CACNA2D1: variants seen among roughly 807,000 people sequenced by gnomAD.
The protein encoded by CACNA2D1 is voltage-dependent calcium channel subunit alpha-2/delta-1.
A neutral mutation model predicts 171.5 loss-of-function variants in CACNA2D1; 53 were observed. That is an observed-to-expected ratio of 0.31 (90% CI 0.25 to 0.39). The LOEUF (loss-of-function observed/expected upper bound fraction) is 0.39. Ranked by LOEUF, CACNA2D1 falls within the 10% of genes least tolerant of loss-of-function variation. The pLI, the probability that CACNA2D1 is intolerant of heterozygous loss-of-function variation, is 1.00. For missense variants in CACNA2D1, 903 were observed against 1,299.8 expected (o/e 0.69, Z 4.69); for synonymous variants, 442 against 443.1 (o/e 1.00, Z 0.03).
At chr7:82,353,776 T>C (rs963142917) in intron 1 of CACNA2D1, among the ~76,000 whole-genome samples, 2 of 152,092 alleles carry the variant, frequency 1.3e-5, no homozygotes, top group African/African-American at 4.8e-5. Context: ...GAGGAATCAG[T>C]GCTCCTTTTG....
At chr7:82,409,171 C>T (rs1827383697) in intron 1 of CACNA2D1, among the ~76,000 whole-genome samples, 1 of 152,132 alleles carries the variant, frequency 6.6e-6, no homozygotes, top group South Asian at 2.1e-4. Context: ...AATCCATAGT[C>T]TTTCCAGTGC....
At chr7:82,050,518 A>AT in intron 10 of CACNA2D1, 1 of 700,256 alleles carries the variant, frequency 1.4e-6, no homozygotes, top group East Asian at 2.7e-5. Context: ...CCCTGATCTT[A>AT]TACAGGGGCT....
intron 1 of CACNA2D1, among the ~76,000 whole-genome samples, chr7:82,436,432 C>A (rs879203216): frequency 6.6e-6 from 1 of 151,958 alleles, no homozygotes; most frequent in Admixed American, 6.6e-5. Flanking sequence ...AAACCATTTC[C>A]CAGAATTTCA....
intron 3 of CACNA2D1, among the ~76,000 whole-genome samples, chr7:82,178,240 T>C (rs1796758246): frequency 6.6e-6 from 1 of 152,076 alleles, no homozygotes; most frequent in African/African-American, 2.4e-5. Flanking sequence ...ACTTCAAAAT[T>C]AACCACAAAG....
intron 1 of CACNA2D1, among the ~76,000 whole-genome samples, chr7:82,420,144 C>T (rs1225329880): frequency 6.6e-6 from 1 of 152,122 alleles, no homozygotes; most frequent in Non-Finnish European, 1.5e-5. Flanking sequence ...TACTATGTTC[C>T]ATAGATGCAT....
rs1240239741 is a variant in CACNA2D1 at position 82,351,241 on chromosome 7, T to C, written c.96-1592A>G. 3.3e-5 allele frequency among the ~76,000 whole-genome samples: 5 copies of C among 151,754 alleles called. No homozygotes were observed. The East Asian group carries it at 9.6e-4, about 29-fold the overall frequency. ...CTTCCTTAGGGAAGAATTCCAGTAG[T>C]ATAAATATAAATTTTTTAAAATATA... On this transcript the variant is annotated intron_variant, in intron 1 of 38. Transcript: ENST00000356860.
intron 18 of CACNA2D1, 132 bp from the exon 19 acceptor site, chr7:81,997,382 C>CCTG: frequency 3.9e-6 from 2 of 506,554 alleles, no homozygotes; most frequent in Non-Finnish European, 7.1e-6. Context: ...AAGGTATCTT[C>CCTG]TTTCATATAT....
intron 3 of CACNA2D1, among the ~76,000 whole-genome samples, chr7:82,210,746 G>A (rs925600418): frequency 2.6e-5 from 4 of 152,262 alleles, no homozygotes; most frequent in Non-Finnish European, 5.9e-5. Flanking sequence ...AGTTAGGTAA[G>A]GGGAAACGTC....
intron 6 of CACNA2D1, among the ~76,000 whole-genome samples, chr7:82,106,223 A>T (rs1040673603): frequency 6.6e-6 from 1 of 152,098 alleles, no homozygotes; most frequent in Non-Finnish European, 1.5e-5. Flanking sequence ...ATCGAGTAAG[A>T]TTTTATCCAC....
intron 21 of CACNA2D1, among the ~76,000 whole-genome samples, chr7:81,986,344 A>C (rs1262750764): frequency 1.3e-5 from 2 of 152,028 alleles, no homozygotes; most frequent in East Asian, 3.8e-4. Context: ...ATTTCCAGGC[A>C]TGTGTAGATC....
At chr7:82,070,170 T>C (rs956532190) in intron 7 of CACNA2D1, among the ~76,000 whole-genome samples, 4 of 152,216 alleles carry the variant, frequency 2.6e-5, no homozygotes, top group African/African-American at 9.6e-5. Flanking sequence ...ATTTGCACCA[T>C]GGCTCCAATA....
intron 29 of CACNA2D1, among the ~76,000 whole-genome samples, chr7:81,968,428 A>T (rs1794932114): frequency 2.0e-5 from 3 of 151,384 alleles, no homozygotes. Context: ...AGCCCTACCT[A>T]ATTCACTTTA....
At position 82,332,565 on chromosome 7, in the gene CACNA2D1, A is replaced by AAC. The variant is rs1554514997; in HGVS notation, c.294+2569_294+2570insGT. Among the ~76,000 whole-genome samples, 777 of 109,262 alleles carry AAC rather than the reference A, an allele frequency of 7.1e-3. 8 individuals carry two copies. Among genetic ancestry groups the AAC allele is most frequent in the Middle Eastern group, 0.022 (4 of 180 alleles). 71.7% of individuals were successfully genotyped at this position (109,262 alleles called of 152,430 possible). A position where few individuals can be genotyped will look rare whatever the true frequency, so the allele number is the denominator to read the frequency against. On this transcript the variant is annotated intron_variant, in intron 3 of 38. Coordinates refer to ENST00000356860, the MANE Select transcript of CACNA2D1 (RefSeq NM_000722.4). Reference sequence around the variant, plus strand: ...AAGAAAGAAAGAAAGAAAGAAAGAAAGAACGAACAGAAAATTTTTGAGGGT... The same window carrying AAC: ...AAGAAAGAAAGAAAGAAAGAAAGAAAACGAACGAACAGAAAATTTTTGAGGGT...
intron 3 of CACNA2D1, among the ~76,000 whole-genome samples, chr7:82,191,525 G>A (rs1416643672): frequency 1.3e-5 from 2 of 151,606 alleles, no homozygotes; most frequent in African/African-American, 4.8e-5. Context: ...AGAACACAAA[G>A]GCAAGTTGCT....
chr7:81,994,223 G>A (rs1797825477), intron 20 of CACNA2D1, among the ~76,000 whole-genome samples: 1 of 152,072 alleles, frequency 6.6e-6, no homozygotes. Flanking sequence ...ATAAATGTCT[G>A]TATGTACTCC....
intron 3 of CACNA2D1, among the ~76,000 whole-genome samples, chr7:82,307,245 C>T (rs1813849442): frequency 6.6e-6 from 1 of 152,098 alleles, no homozygotes; most frequent in South Asian, 2.1e-4. Flanking sequence ...CAACCACTGC[C>T]TCCTGAGTTC....
chr7:82,159,214 G>A (rs968040121), intron 4 of CACNA2D1, among the ~76,000 whole-genome samples: 1 of 151,744 alleles, frequency 6.6e-6, no homozygotes, highest in Non-Finnish European at 1.5e-5. Flanking sequence ...CTAGCTAAAA[G>A]TATGAAACAA....
chr7:82,087,326 A>T (rs56922441), intron 6 of CACNA2D1, among the ~76,000 whole-genome samples: 1,915 of 152,224 alleles, frequency 0.013, 18 homozygotes, highest in Middle Eastern at 0.041. Context: ...CAAAATTACT[A>T]CAGCCTTTGT....
intron 27 of CACNA2D1, 73 bp downstream of exon 27, chr7:81,970,601 TA>T: frequency 1.2e-6 from 1 of 822,622 alleles, no homozygotes; most frequent in Non-Finnish European, 2.2e-6. Context: ...ATGGCTTCCT[TA>T]AGCAGTAATG....
Sources: gnomAD v4.1 joint callset for allele counts (sites outside exome capture counted in the v4.1 genomes callset) on GRCh38, gnomAD v4.1.1 for gene constraint, MANE v1.5 for transcripts, NCBI Gene and HGNC (gene_info 2026-07-23, HGNC 2026-07-21) for gene names.